The following SLC2A13 variants were observed in gnomAD, a reference collection of about 807,000 sequenced individuals.
SLC2A13 encodes proton myo-inositol cotransporter.
Under a neutral mutation model 64.4 loss-of-function variants are expected in SLC2A13, and 32 were observed. The observed-to-expected ratio is 0.50, with a 90% CI of 0.37 to 0.67. The LOEUF (loss-of-function observed/expected upper bound fraction) is 0.67. Ranked by LOEUF, SLC2A13 falls within the 30% of genes least tolerant of loss-of-function variation. The pLI is 0.00. For missense variants in SLC2A13, 743 were observed against 829.2 expected, an observed-to-expected ratio of 0.90 and a Z score of 1.28; for synonymous variants, 338 against 327.1, an observed-to-expected ratio of 1.03 and a Z score of -0.36.
intron 1 of SLC2A13, among the ~76,000 whole-genome samples, chr12:40,051,525 G>A (rs1459353553): frequency 6.6e-6 from 1 of 152,164 alleles, no homozygotes; most frequent in Non-Finnish European, 1.5e-5. Flanking sequence ...CGAGTGGGAT[G>A]GGTATTGCCA....
chr12:40,078,273 G>A (rs948638740), intron 1 of SLC2A13, among the ~76,000 whole-genome samples: 1 of 152,234 alleles, frequency 6.6e-6, no homozygotes, highest in Non-Finnish European at 1.5e-5. Context: ...TCGTTATAAT[G>A]TTGGCTGTGG....
At chr12:39,776,852 T>C (rs943396847) in intron 7 of SLC2A13, among the ~76,000 whole-genome samples, 7 of 152,328 alleles carry the variant, frequency 4.6e-5, no homozygotes, top group Admixed American at 2.6e-4. Context: ...GATGGCTAGG[T>C]TCTAAGACAG....
intron 7 of SLC2A13, among the ~76,000 whole-genome samples, chr12:39,766,880 T>C (rs1468737843): frequency 6.6e-6 from 1 of 152,112 alleles, no homozygotes; most frequent in African/African-American, 2.4e-5. Context: ...AATAGTTCTC[T>C]TGCTGTTTTC....
chr12:39,762,775 A>AT (rs1347009751), intron 9 of SLC2A13, among the ~76,000 whole-genome samples: 1 of 152,048 alleles, frequency 6.6e-6, no homozygotes, highest in African/African-American at 2.4e-5. Flanking sequence ...TGAATGAACT[A>AT]TTTTTCTACT....
chr12:39,971,960 G>A (rs1452964293), intron 3 of SLC2A13, among the ~76,000 whole-genome samples: 1 of 107,332 alleles, frequency 9.3e-6, no homozygotes. Context: ...GGGAGATAAG[G>A]GGATGGAGCA....
At chr12:40,088,596 G>A (rs894445908) in intron 1 of SLC2A13, among the ~76,000 whole-genome samples, 1 of 152,204 alleles carries the variant, frequency 6.6e-6, no homozygotes, top group Admixed American at 6.5e-5. Context: ...TCTTGGAGCT[G>A]TGTTAATACA....
intron 6 of SLC2A13, among the ~76,000 whole-genome samples, chr12:39,839,772 C>T (rs1334104632): frequency 6.6e-6 from 1 of 152,044 alleles, no homozygotes; most frequent in Non-Finnish European, 1.5e-5. Context: ...CCCATGACCT[C>T]TTTCTTTCCT....
chr12:39,903,033 T>C (rs1945175589), intron 4 of SLC2A13, among the ~76,000 whole-genome samples: 2 of 152,168 alleles, frequency 1.3e-5, no homozygotes, highest in South Asian at 4.1e-4. Context: ...GCTCAGGAGA[T>C]GAGTAATATG....
At chr12:40,084,044 T>C (rs1332481904) in intron 1 of SLC2A13, among the ~76,000 whole-genome samples, 2 of 152,196 alleles carry the variant, frequency 1.3e-5, no homozygotes, top group East Asian at 3.8e-4. Flanking sequence ...TGGGAGGCAG[T>C]AAAAGGCAAT....
chr12:39,826,569 T>C (rs1414946886), intron 7 of SLC2A13, among the ~76,000 whole-genome samples: 1 of 151,282 alleles, frequency 6.6e-6, no homozygotes, highest in Non-Finnish European at 1.5e-5. Flanking sequence ...ATTTAACAAA[T>C]TGAAAAACTA....
chr12:39,777,007 T>C lies in SLC2A13; in HGVS notation c.1446-12149A>G, dbSNP rs530259558. ...ATGGCTTTTCCCCATATAGTTGCTATGGGAGGTAATATATTAATACTTATT... is the reference window on the plus strand; with the variant it reads ...ATGGCTTTTCCCCATATAGTTGCTACGGGAGGTAATATATTAATACTTATT... On this transcript the variant is annotated intron_variant, in intron 7 of 9. Transcript: ENST00000280871. Among the ~76,000 whole-genome samples the C allele has an allele frequency of 1.1e-4, 17 of 152,336 alleles. No individual in the cohort carries two copies. In the East Asian group the frequency reaches 1.3e-3, roughly 12 times the overall value.
chr12:40,028,230 C>T (rs540152186), intron 3 of SLC2A13, 71 bp downstream of exon 3: 68 of 1,040,946 alleles, frequency 6.5e-5, no homozygotes, highest in Admixed American at 1.2e-4. Context: ...TATACACACA[C>T]GCACACAAAA....
chr12:39,863,360 C>A (rs1943814181), intron 6 of SLC2A13, among the ~76,000 whole-genome samples: 1 of 152,112 alleles, frequency 6.6e-6, no homozygotes, highest in African/African-American at 2.4e-5. Context: ...AACTTACAGT[C>A]ATTCCTTTCC....
intron 4 of SLC2A13, among the ~76,000 whole-genome samples, chr12:39,874,615 C>CAAAA (rs11287868): frequency 9.9e-6 from 1 of 101,092 alleles, no homozygotes. Flanking sequence ...AACTCCATCT[C>CAAAA]AAAAAAAAAA....
rs548060347 is a variant in SLC2A13, at chr12:39,900,586, C to T, written c.1035-28625G>A. On this transcript the variant is annotated intron_variant, in intron 4 of 9. Coordinates refer to ENST00000280871, the MANE Select transcript of SLC2A13 (RefSeq NM_052885.4). ...CAAATCATGAGTGAACTCCTATTCA[C>T]AATTGCTTCAAAGAGAATAAAATAC... 1.3e-4 allele frequency among the ~76,000 whole-genome samples: 20 copies of T among 152,224 alleles called. No homozygotes were observed. In the South Asian group the frequency reaches 4.2e-3, roughly 32 times the overall value.
chr12:39,771,053 G>C (rs900176878), intron 7 of SLC2A13, among the ~76,000 whole-genome samples: 1 of 152,146 alleles, frequency 6.6e-6, no homozygotes, highest in Non-Finnish European at 1.5e-5. Context: ...AATTTCACAT[G>C]ATATAGGCAA....
At position 39,758,317 on chromosome 12, in the gene SLC2A13, T is replaced by C. The variant is rs1364637957; in HGVS notation, c.*1709A>G. 1 of 151,914 alleles carries C rather than the reference T, an allele frequency of 6.6e-6. No individual in the cohort carries two copies. 9.4% of individuals were successfully genotyped at this position (151,914 alleles called of 1,614,324 possible). A position where few individuals can be genotyped will look rare whatever the true frequency, so the allele number is the denominator to read the frequency against. ...CTTAGAGAATGAACTTCCTCAGCTG[T>C]ATTCTCAGCTTGATAACTGTGATAG... is the stretch of plus-strand genomic sequence containing the variant. On this transcript the variant is annotated 3_prime_UTR_variant, in exon 10 of 10. Coordinates refer to ENST00000280871, the MANE Select transcript of SLC2A13 (RefSeq NM_052885.4).
At position 40,031,293 on chromosome 12, in the gene SLC2A13, GCTCACTGCAAC is replaced by G. The variant is rs552305413; in HGVS notation, c.717-2795_717-2785del. Reference sequence around the variant, plus strand: ...GCCGGAGTGTAGTGGCGCGATCTCGGCTCACTGCAACCTCCGCCTCCCGGGTTCAAGCAATT... The same window carrying G: ...GCCGGAGTGTAGTGGCGCGATCTCGGCTCCGCCTCCCGGGTTCAAGCAATT... On this transcript the variant is annotated intron_variant, in intron 2 of 9. Coordinates refer to ENST00000280871, the MANE Select transcript of SLC2A13 (RefSeq NM_052885.4). Among the ~76,000 whole-genome samples, 1,150 of 152,202 alleles carry G rather than the reference GCTCACTGCAAC, an allele frequency of 7.6e-3. 12 individuals carry two copies. Among genetic ancestry groups the G allele is most frequent in the African/African-American group, 0.026 (1,088 of 41,514 alleles).
chr12:39,786,933 A>C (rs944137539), intron 7 of SLC2A13, among the ~76,000 whole-genome samples: 1 of 152,216 alleles, frequency 6.6e-6, no homozygotes, highest in African/African-American at 2.4e-5. Context: ...TAATAGCCAG[A>C]GGACTTTTTA....
Sources: gnomAD v4.1 joint callset for allele counts (sites outside exome capture counted in the v4.1 genomes callset) on GRCh38, gnomAD v4.1.1 for gene constraint, MANE v1.5 for transcripts, NCBI Gene and HGNC (gene_info 2026-07-23, HGNC 2026-07-21) for gene names.